Variants in DACT2 observed in about 807,000 individuals in gnomAD.
The protein encoded by DACT2 is dapper homolog 2.
Under a neutral mutation model 22.2 loss-of-function variants are expected in DACT2, and 20 were observed. The ratio of observed to expected loss-of-function variants is 0.90; its 90% CI spans 0.63 to 1.31. The LOEUF (loss-of-function observed/expected upper bound fraction) is 1.31, where lower values mean the gene tolerates loss of function less well. Ranked by LOEUF, DACT2 falls within the 50% of genes most tolerant of loss-of-function variation. The probability of loss-of-function intolerance (pLI) is 0.00; values close to 1 mark genes in which losing one functional copy is unlikely to be tolerated. For missense variants in DACT2, 1,048 were observed against 1,061.4 expected (o/e 0.99, Z 0.18); for synonymous variants, 463 against 479.8 (o/e 0.96, Z 0.46).
downstream of DACT2, chr6:168,301,996 T>TCTTCCTCTCCCCACTCCCTCCGCCTGC (rs1779120321): frequency 6.5e-6 from 1 of 153,020 alleles, no homozygotes; most frequent in Non-Finnish European, 1.5e-5. Flanking sequence ...CACTCGCCTG[T>TCTTCCTCTCCCCACTCCCTCCGCCTGC]CTTCCTCTCC....
At chr6:168,304,694 C>A (rs1779168543), downstream of DACT2, among the ~76,000 whole-genome samples, 1 of 152,210 alleles carries the variant, frequency 6.6e-6, no homozygotes, top group Admixed American at 6.5e-5. Flanking sequence ...TTCAAACTGC[C>A]AGCTTACGCC....
chr6:168,304,411 C>T (rs138371615), downstream of DACT2, among the ~76,000 whole-genome samples: 39 of 152,376 alleles, frequency 2.6e-4, no homozygotes, highest in East Asian at 7.7e-4. Flanking sequence ...GACTCTGCCA[C>T]GCCCATCAGC....
At position 168,310,546 on chromosome 6, in the gene DACT2, A is replaced by T. The variant is rs904552348; in HGVS notation, c.380-100T>A. ...TCACGGCACAGGTGGGCCCAGGGGA[A>T]CCCCTGAGCTGAGGCTACCGGAGGC... On this transcript the variant is annotated intron_variant, in intron 2 of 3. Transcript: ENST00000366795. The T allele has an allele frequency of 2.1e-6, 3 of 1,446,014 alleles. No homozygotes were observed. The African/African-American group carries it at 4.4e-5, about 21-fold the overall frequency. 89.6% of individuals were successfully genotyped at this position (1,446,014 alleles called of 1,614,324 possible). A position where few individuals can be genotyped will look rare whatever the true frequency, so the allele number is the denominator to read the frequency against.
rs781247710 is a variant in DACT2 at position 168,307,475 on chromosome 6, C to T, written c.2282G>A (p.Arg761His). The T allele has an allele frequency of 1.1e-5, 17 of 1,551,526 alleles. No individual in the cohort carries two copies. The highest frequency in any genetic ancestry group is 1.7e-4 in the Middle Eastern group (1 of 6,014). ...KASKALKKKI[R>H]RFQPTALKVM... The stretch of plus-strand genomic sequence containing the variant: ...CTTCAGGGCCGTCGGCTGGAACCTG[C>T]GGATCTTCTTCTTCAGGGCCTTGGA... The change falls in exon 4 of 4, where the codon CGC (arginine) becomes CAC (histidine). Residue 761 changes from arginine (R) to histidine (H), a missense_variant. Arg to His is a conservative substitution (Grantham distance 29). Coordinates refer to ENST00000366795, the MANE Select transcript of DACT2 (RefSeq NM_214462.5). This position sits in a 1 kb window ranked among gnomAD's most constrained non-coding sequence, Gnocchi z 5.3.
At position 168,310,540 on chromosome 6, in the gene DACT2, A is replaced by T. The variant is rs1010621421; in HGVS notation, c.380-94T>A. ...AGCTTGTCACGGCACAGGTGGGCCCAGGGGAACCCCTGAGCTGAGGCTACC... is the reference window on the plus strand; with the variant it reads ...AGCTTGTCACGGCACAGGTGGGCCCTGGGGAACCCCTGAGCTGAGGCTACC... On this transcript the variant is annotated intron_variant, in intron 2 of 3. Coordinates refer to ENST00000366795, the MANE Select transcript of DACT2 (RefSeq NM_214462.5). 35 of 1,476,088 alleles carry T rather than the reference A, an allele frequency of 2.4e-5. 1 individual carries two copies. In the African/African-American group the frequency reaches 4.7e-4, roughly 20 times the overall value. The allele number at this position is 1,476,088 out of a possible 1,614,324, so 91.4% of individuals were successfully genotyped here.
Position 168,319,723 on chromosome 6 carries a change from T to C in DACT2, c.-90A>G. The C allele has an allele frequency of 8.5e-7, 1 of 1,182,396 alleles. No homozygotes were observed. Among genetic ancestry groups the C allele is most frequent in the Non-Finnish European group, 1.0e-6 (1 of 955,910 alleles). The allele number at this position is 1,182,396 out of a possible 1,614,324, so 73.2% of individuals were successfully genotyped here. Reference sequence around the variant, plus strand: ...TCCCGAGCTGTGTCGCGGGTCCTCCTGCGCCTCCTCTCTCCGCCCCCGGCT... The same window carrying C: ...TCCCGAGCTGTGTCGCGGGTCCTCCCGCGCCTCCTCTCTCCGCCCCCGGCT... On this transcript the variant is annotated 5_prime_UTR_variant, in exon 1 of 4. Coordinates refer to ENST00000366795, the MANE Select transcript of DACT2 (RefSeq NM_214462.5).
Position 168,319,480 on chromosome 6 carries a change from G to C in DACT2, c.154C>G (p.Pro52Ala). Reference protein sequence around the residue: ...RVRGALALQPPPAPAAPCGPH... With the variant: ...RVRGALALQPAPAPAAPCGPH... ...CCGCAGGGCGCGGCGGGCGCGGGCG[G>C]GGGCTGCAGGGCCAGGGCGCCCCGT... Residue 52 changes from proline (P) to alanine (A), a missense_variant, in exon 1 of 4, where the codon CCG becomes GCG. Transcript: ENST00000366795. 1.7e-6 allele frequency: 2 copies of C among 1,204,784 alleles called. No homozygotes were observed. Among genetic ancestry groups the C allele is most frequent in the Non-Finnish European group, 2.1e-6 (2 of 971,790 alleles). 74.6% of individuals were successfully genotyped at this position (1,204,784 alleles called of 1,614,324 possible).
exon 6 of DACT2, chr6:168,293,897 T>C (rs1778954146): frequency 2.8e-6 from 2 of 703,410 alleles, no homozygotes; most frequent in Non-Finnish European, 2.6e-6. Context: ...TGCTCTGTCA[T>C]TGCTGTCTTG....
chr6:168,294,330 C>T lies in DACT2; in HGVS notation c.731-133G>A, dbSNP rs530518452. On this transcript the variant is annotated intron_variant, in intron 4 of 5. Coordinates refer to the DACT2 transcript ENST00000366796. ...CAGAGGAAGGGGAAGAGGACGGCCA[C>T]GCTTCTCCCCTCCTAGTCCTTCCCT... The T allele has an allele frequency of 1.3e-3, 865 of 678,986 alleles. 2 individuals carry two copies. In the African/African-American group the frequency reaches 0.013, roughly 10 times the overall value. The allele number at this position is 678,986 out of a possible 1,614,324, so 42.1% of individuals were successfully genotyped here.
chr6:168,296,349 G>A (rs1226410494), intron 3 of DACT2, among the ~76,000 whole-genome samples: 3 of 147,018 alleles, frequency 2.0e-5, no homozygotes, highest in Non-Finnish European at 3.0e-5. Flanking sequence ...TGGAGGACAG[G>A]CACCCAGAAT....
rs756656016 is a variant in DACT2 at position 168,308,357 on chromosome 6, A to G, written c.1400T>C (p.Leu467Pro). ...AGAGGCCGGTGAGGGGCTCTTGTCC[A>G]GCATCCTGGATGGGGATATGATGTT... Reference protein sequence around the residue: ...RGNIISPSRMLDKSPSPASGH... With the variant: ...RGNIISPSRMPDKSPSPASGH... Residue 467 changes from leucine to proline, a missense_variant, in exon 4 of 4, where the codon CTG becomes CCG. By Grantham distance (98) the Leu-to-Pro change is moderately conservative (BLOSUM62 -3). Coordinates refer to ENST00000366795, the MANE Select transcript of DACT2 (RefSeq NM_214462.5). 12 of 1,551,808 alleles carry G rather than the reference A, an allele frequency of 7.7e-6. No individual in the cohort carries two copies. Among genetic ancestry groups the G allele is most frequent in the Non-Finnish European group, 1.0e-5 (12 of 1,147,046 alleles).
intron 1 of DACT2, among the ~76,000 whole-genome samples, chr6:168,313,030 A>G (rs1221587863): frequency 6.6e-6 from 1 of 152,174 alleles, no homozygotes; most frequent in African/African-American, 2.4e-5. Context: ...CAAAGTTTGC[A>G]CAGTGACAGA....
intron 3 of DACT2, among the ~76,000 whole-genome samples, chr6:168,295,127 G>GT (rs1778986656): frequency 1.3e-5 from 2 of 152,174 alleles, no homozygotes; most frequent in Admixed American, 1.3e-4. Context: ...CCTGAGCCGC[G>GT]TGGGCAGCTG....
Position 168,308,929 on chromosome 6 carries a change from G to A in DACT2, c.828C>T (p.Pro276=). The A allele has an allele frequency of 1.3e-6, 2 of 1,550,368 alleles. No individual in the cohort carries two copies. Among genetic ancestry groups the A allele is most frequent in the Non-Finnish European group, 1.7e-6 (2 of 1,146,942 alleles). ...GTAGAGCCACGGCGTGCAGGGGGCT[G>A]GGGTACGGGTACACCTCCCTGCCGC... ...SQGGREVYPY[P]SPLHAVALQS... is the part of the protein sequence containing the mutation. Residue 276 remains proline, a synonymous_variant, in exon 4 of 4, where the codon CCC becomes CCT. Transcript: ENST00000366795.
In DACT2 at chr6:168,296,195, G is replaced by A. The variant is rs373294035; in HGVS notation, c.659-1491C>T. On this transcript the variant is annotated intron_variant, in intron 3 of 5. Transcript: ENST00000366796. ...CGGAAAGAGCAGATCCATCCACAGC[G>A]GTGAGGAGATGGTCATGGAGGACAG... Among the ~76,000 whole-genome samples the A allele has an allele frequency of 7.0e-4, 103 of 147,780 alleles. No individual in the cohort carries two copies. The South Asian group carries it at 8.9e-3, about 13-fold the overall frequency.
chr6:168,302,943 G>T (rs981062477), downstream of DACT2, among the ~76,000 whole-genome samples: 3 of 152,134 alleles, frequency 2.0e-5, no homozygotes, highest in Non-Finnish European at 4.4e-5. Context: ...CTATGCAAGT[G>T]ATTGAAAAAG....
chr6:168,310,054 C>A, intron 3 of DACT2, 114 bp downstream of exon 3: 1 of 1,447,432 alleles, frequency 6.9e-7, no homozygotes, highest in Non-Finnish European at 9.1e-7. Context: ...TCCCTTAGAG[C>A]CTGACAGCGT....
At chr6:168,304,750 G>A (rs1779169980), downstream of DACT2, among the ~76,000 whole-genome samples, 1 of 152,200 alleles carries the variant, frequency 6.6e-6, no homozygotes, top group South Asian at 2.1e-4. Context: ...GATGAAGGAG[G>A]AAGCCGACTC....
chr6:168,311,583 TCCACA>T (rs1779410231), intron 1 of DACT2, among the ~76,000 whole-genome samples: 3 of 39,536 alleles, frequency 7.6e-5, no homozygotes, highest in African/African-American at 2.3e-4. Context: ...CACACACCCA[TCCACA>T]CACACACATA....
Sources: allele counts gnomAD v4.1 joint callset (sites outside exome capture counted in the v4.1 genomes callset), GRCh38; gene constraint gnomAD v4.1.1; non-coding constraint Gnocchi (gnomAD v3.1); transcripts MANE v1.5; gene names NCBI Gene and HGNC (gene_info 2026-07-23, HGNC 2026-07-21).